Variants in SNTG1 observed in about 807,000 individuals in gnomAD.
SNTG1 encodes gamma-1-syntrophin.
Under a neutral mutation model 74.7 loss-of-function variants are expected in SNTG1, and 39 were observed. That is an observed-to-expected ratio of 0.52 (90% CI 0.40 to 0.68). The LOEUF (loss-of-function observed/expected upper bound fraction) is 0.68, where lower values mean the gene tolerates loss of function less well. Among genes scored for constraint, SNTG1 ranks in the 30% least tolerant of loss-of-function variants. The pLI is 0.00. For missense variants in SNTG1, 685 were observed against 609.5 expected (o/e 1.12, Z -1.30); for synonymous variants, 254 against 217.1 (o/e 1.17, Z -1.49).
chr8:50,038,876 A>G (rs1258521349), intron 1 of SNTG1, among the ~76,000 whole-genome samples: 1 of 152,050 alleles, frequency 6.6e-6, no homozygotes, highest in African/African-American at 2.4e-5. Context: ...TCTTCCGTAC[A>G]TTTCACTTTG....
chr8:50,308,599 G>T (rs2089989818), intron 2 of SNTG1, among the ~76,000 whole-genome samples: 1 of 152,100 alleles, frequency 6.6e-6, no homozygotes, highest in South Asian at 2.1e-4. Context: ...TTTCTTTTAA[G>T]ATTTGTAATA....
chr8:50,262,565 C>A (rs1005888474), intron 2 of SNTG1, among the ~76,000 whole-genome samples: 15 of 152,178 alleles, frequency 9.9e-5, no homozygotes, highest in African/African-American at 3.1e-4. Context: ...CCCACCACCA[C>A]GCCCAGCTAA....
chr8:50,430,002 G>A (rs752560443), intron 4 of SNTG1, among the ~76,000 whole-genome samples: 1 of 152,106 alleles, frequency 6.6e-6, no homozygotes, highest in Non-Finnish European at 1.5e-5. Flanking sequence ...ATACATTGTT[G>A]ATGAGAATAT....
At chr8:50,565,967 AT>A (rs967874365) in intron 12 of SNTG1, among the ~76,000 whole-genome samples, 41 of 152,052 alleles carry the variant, frequency 2.7e-4, no homozygotes, top group African/African-American at 8.7e-4. Context: ...AATGGATATT[AT>A]TTTTTTACGG....
chr8:49,945,384 T>A (rs1483761683), intron 1 of SNTG1, among the ~76,000 whole-genome samples: 1 of 152,178 alleles, frequency 6.6e-6, no homozygotes, highest in Non-Finnish European at 1.5e-5. Flanking sequence ...AATGCTTTAT[T>A]TTTAAAGGTA....
intron 1 of SNTG1, among the ~76,000 whole-genome samples, chr8:49,959,625 C>T (rs1412719592): frequency 1.3e-5 from 2 of 152,212 alleles, no homozygotes; most frequent in East Asian, 1.9e-4. Flanking sequence ...CGTGTCAATA[C>T]TTCATTTAAT....
At chr8:50,171,308 G>T (rs749369669) in intron 1 of SNTG1, among the ~76,000 whole-genome samples, 85 of 152,232 alleles carry the variant, frequency 5.6e-4, no homozygotes, top group Non-Finnish European at 1.0e-3. Flanking sequence ...ACAATAGGCT[G>T]CCTGTCAACT....
At chr8:50,606,488 G>A (rs2094813443) in intron 13 of SNTG1, among the ~76,000 whole-genome samples, 1 of 151,832 alleles carries the variant, frequency 6.6e-6, no homozygotes, top group African/African-American at 2.4e-5. Context: ...TGACTTCTAA[G>A]ATGTAGGAAC....
intron 2 of SNTG1, among the ~76,000 whole-genome samples, chr8:50,288,806 T>G (rs2088928279): frequency 1.3e-5 from 2 of 152,228 alleles, no homozygotes. Flanking sequence ...TAAAGCTTTA[T>G]TCTTACTCCA....
chr8:50,592,614 T>C (rs1758453005), intron 13 of SNTG1, among the ~76,000 whole-genome samples: 1 of 151,254 alleles, frequency 6.6e-6, no homozygotes. Context: ...ACTTTAATAT[T>C]CTAACACTAT....
chr8:50,326,451 C>A (rs1250799849), intron 2 of SNTG1, among the ~76,000 whole-genome samples: 1 of 151,980 alleles, frequency 6.6e-6, no homozygotes, highest in Non-Finnish European at 1.5e-5. Flanking sequence ...GCCCGTTTCA[C>A]CAACATTGTC....
chr8:50,238,944 A>G (rs1465371906), intron 2 of SNTG1, among the ~76,000 whole-genome samples: 1 of 152,188 alleles, frequency 6.6e-6, no homozygotes, highest in African/African-American at 2.4e-5. Flanking sequence ...ACAATGAGAT[A>G]CCATCTCACA....
At chr8:49,947,489 C>A (rs1486050424) in intron 1 of SNTG1, among the ~76,000 whole-genome samples, 1 of 152,168 alleles carries the variant, frequency 6.6e-6, no homozygotes, top group Admixed American at 6.5e-5. Flanking sequence ...TACCCCATTT[C>A]CACTGATACA....
chr8:50,455,710 A>G (rs1417254118), intron 8 of SNTG1, among the ~76,000 whole-genome samples: 1 of 152,196 alleles, frequency 6.6e-6, no homozygotes, highest in Non-Finnish European at 1.5e-5. Context: ...TATCTGGAAA[A>G]AGGCATAAAT....
chr8:50,461,653 T>G (rs1277217588), intron 8 of SNTG1, among the ~76,000 whole-genome samples: 1 of 152,212 alleles, frequency 6.6e-6, no homozygotes, highest in African/African-American at 2.4e-5. Context: ...TATTGGGAAC[T>G]CTTTCTGTGG....
At chr8:50,088,681 A>G (rs1823155531) in intron 1 of SNTG1, among the ~76,000 whole-genome samples, 1 of 138,204 alleles carries the variant, frequency 7.2e-6, no homozygotes, top group African/African-American at 2.5e-5. Context: ...TAAAATACCT[A>G]GGAATCCAAC....
intron 8 of SNTG1, among the ~76,000 whole-genome samples, chr8:50,501,263 T>A (rs1287157841): frequency 6.6e-6 from 1 of 151,966 alleles, no homozygotes; most frequent in Non-Finnish European, 1.5e-5. Flanking sequence ...GTGGAGCAGG[T>A]AAGGTATCCG....
rs551556500 is a variant in SNTG1 at position 50,010,076 on chromosome 8, A to C, written c.-103+97845A>C. Among the ~76,000 whole-genome samples, 13 of 152,186 alleles carry C rather than the reference A, an allele frequency of 8.5e-5. No homozygotes were observed. The South Asian group carries it at 2.5e-3, about 29-fold the overall frequency. On this transcript the variant is annotated intron_variant, in intron 1 of 18. Transcript: ENST00000642720. ...GTCTCAAGTCTTCTTAATTAACTTTACTTTCTTAATGATTTTCTTGTAATC... is the reference window on the plus strand; with the variant it reads ...GTCTCAAGTCTTCTTAATTAACTTTCCTTTCTTAATGATTTTCTTGTAATC...
chr8:50,018,586 T>C (rs996900532), intron 1 of SNTG1, among the ~76,000 whole-genome samples: 4 of 152,004 alleles, frequency 2.6e-5, no homozygotes, highest in African/African-American at 4.8e-5. Flanking sequence ...GCAATGTTTT[T>C]GCTGTTGTTG....
Sources: allele counts gnomAD v4.1 joint callset (sites outside exome capture counted in the v4.1 genomes callset), GRCh38; gene constraint gnomAD v4.1.1; transcripts MANE v1.5; gene names NCBI Gene and HGNC (gene_info 2026-07-23, HGNC 2026-07-21).